The following CSNK1G3 variants were observed in gnomAD, a reference collection of about 807,000 sequenced individuals.
The protein encoded by CSNK1G3 is casein kinase I isoform gamma-3.
CSNK1G3 carries 23 observed loss-of-function variants against 64.3 expected under a neutral mutation model. The observed-to-expected ratio is 0.36, with a 90% CI of 0.26 to 0.51. CSNK1G3 has a LOEUF of 0.51. CSNK1G3 is among the 20% of genes least tolerant of loss of function. CSNK1G3 has a pLI of 0.96. For missense variants in CSNK1G3, 357 were observed against 510.5 expected (o/e 0.70, Z 2.90); for synonymous variants, 158 against 162.2 (o/e 0.97, Z 0.20).
intron 1 of CSNK1G3, among the ~76,000 whole-genome samples, chr5:123,517,768 A>G (rs1358165156): frequency 6.6e-6 from 1 of 152,146 alleles, no homozygotes; most frequent in South Asian, 2.1e-4. Flanking sequence ...TTTAGTTGTA[A>G]TAAAATGTAT....
At chr5:123,606,699 T>G (rs1455905312) in intron 12 of CSNK1G3, among the ~76,000 whole-genome samples, 1 of 152,144 alleles carries the variant, frequency 6.6e-6, no homozygotes, top group Non-Finnish European at 1.5e-5. Flanking sequence ...GTGTCCTATA[T>G]TTTTACTTCC....
chr5:123,605,281 T>G, intron 11 of CSNK1G3, 58 bp from the exon 13 acceptor site: 1 of 1,475,048 alleles, frequency 6.8e-7, no homozygotes, highest in Non-Finnish European at 9.3e-7. Context: ...GTGAGCTGTT[T>G]CTGATTCTCT....
intron 3 of CSNK1G3, among the ~76,000 whole-genome samples, chr5:123,557,083 T>C (rs1016306124): frequency 4.6e-5 from 7 of 152,118 alleles, no homozygotes; most frequent in African/African-American, 1.7e-4. Context: ...ATCAAAATTT[T>C]CAAATTACCA....
chr5:123,599,155 A>G lies in CSNK1G3; in HGVS notation c.1087-5569A>G, dbSNP rs80348083. Among the ~76,000 whole-genome samples the G allele has an allele frequency of 6.7e-3, 1,020 of 152,260 alleles. 8 individuals are homozygous for G. The highest frequency in any genetic ancestry group is 0.023 in the African/African-American group (961 of 41,554). The stretch of plus-strand genomic sequence containing the variant: ...GTGCAAACTGAAAATCTGATCCTAT[A>G]TAGAGGCAACTGTAAGCAAAGGGAA... On this transcript the variant is annotated intron_variant, in intron 10 of 12. Coordinates refer to ENST00000345990, the Ensembl canonical transcript of CSNK1G3.
intron 6 of CSNK1G3, among the ~76,000 whole-genome samples, chr5:123,586,649 G>A (rs776710224): frequency 1.2e-4 from 19 of 152,094 alleles, no homozygotes; most frequent in Non-Finnish European, 2.6e-4. Context: ...TAGCCTTAAT[G>A]ACTGTCAATT....
intron 1 of CSNK1G3, among the ~76,000 whole-genome samples, chr5:123,513,002 G>T (rs1301484927): frequency 6.6e-6 from 1 of 152,084 alleles, no homozygotes; most frequent in East Asian, 1.9e-4. Context: ...TGGAGTAGGG[G>T]CTTCAGGCAG....
intron 1 of CSNK1G3, among the ~76,000 whole-genome samples, chr5:123,540,003 T>C (rs562646950): frequency 6.6e-6 from 1 of 152,278 alleles, no homozygotes; most frequent in South Asian, 2.1e-4. Flanking sequence ...TATTGGTAAT[T>C]TGTATATTCT....
chr5:123,549,916 C>T (rs2150325059), intron 2 of CSNK1G3, among the ~76,000 whole-genome samples: 1 of 152,320 alleles, frequency 6.6e-6, no homozygotes, highest in East Asian at 1.9e-4. Context: ...ACAGGAGCTT[C>T]CATAACATCT....
chr5:123,534,256 TAGAC>T (rs1336971583), intron 1 of CSNK1G3, among the ~76,000 whole-genome samples: 28 of 152,106 alleles, frequency 1.8e-4, no homozygotes, highest in Non-Finnish European at 3.5e-4. Context: ...AAAATGAGCT[TAGAC>T]AGATTAAGTG....
chr5:123,595,301 G>A (rs1461937796), intron 10 of CSNK1G3, among the ~76,000 whole-genome samples, 167 bp downstream of exon 11: 2 of 151,916 alleles, frequency 1.3e-5, no homozygotes, highest in African/African-American at 2.4e-5. Flanking sequence ...CAAAATTAAC[G>A]TGGTCTAGAA....
At chr5:123,600,322 T>C (rs1467978284) in intron 10 of CSNK1G3, among the ~76,000 whole-genome samples, 1 of 152,116 alleles carries the variant, frequency 6.6e-6, no homozygotes, top group African/African-American at 2.4e-5. Context: ...TTACAAGGTA[T>C]CAAATAGAAA....
At chr5:123,602,186 C>T (rs565805680) in intron 10 of CSNK1G3, among the ~76,000 whole-genome samples, 2 of 152,200 alleles carry the variant, frequency 1.3e-5, no homozygotes, top group Admixed American at 6.5e-5. Context: ...ATTATCAAGG[C>T]AGTTTTGTAT....
In CSNK1G3 at chr5:123,568,227, G is replaced by T. The variant is rs183531533; in HGVS notation, c.290-5166G>T. On this transcript the variant is annotated intron_variant, in intron 4 of 12. Transcript: ENST00000345990. The stretch of plus-strand genomic sequence containing the variant: ...GATTTGCTGAGGATACTTCTCAGAT[G>T]TAATGGTTTCGCTGGGATTCAGAAA... Among the ~76,000 whole-genome samples, 10 of 152,294 alleles carry T rather than the reference G, an allele frequency of 6.6e-5. No homozygotes were observed. The East Asian group carries it at 1.9e-3, about 29-fold the overall frequency.
At chr5:123,608,011 C>T (rs938633093) in intron 12 of CSNK1G3, among the ~76,000 whole-genome samples, 3 of 151,930 alleles carry the variant, frequency 2.0e-5, no homozygotes, top group African/African-American at 7.3e-5. Flanking sequence ...CCAAGGCTGG[C>T]CCTGAACTAT....
chr5:123,610,606 C>T (rs908683081), intron 12 of CSNK1G3, among the ~76,000 whole-genome samples: 7 of 152,260 alleles, frequency 4.6e-5, no homozygotes, highest in Middle Eastern at 6.8e-3. Context: ...GACTTTGATC[C>T]ATTTTGATTG....
chr5:123,582,812 T>G (rs1790554808), intron 6 of CSNK1G3, among the ~76,000 whole-genome samples: 1 of 152,192 alleles, frequency 6.6e-6, no homozygotes, highest in South Asian at 2.1e-4. Context: ...GGGGTGTTCT[T>G]TAGTTACTGT....
At chr5:123,596,738 C>G (rs1482626303) in intron 10 of CSNK1G3, among the ~76,000 whole-genome samples, 2 of 152,004 alleles carry the variant, frequency 1.3e-5, no homozygotes, top group Non-Finnish European at 2.9e-5. Context: ...TCCTAATATT[C>G]AATAAGTGAT....
chr5:123,591,391 A>G (rs1792331595), exon 10 of CSNK1G3: 2 of 1,608,624 alleles, frequency 1.2e-6, no homozygotes, highest in African/African-American at 2.7e-5. Flanking sequence ...ACACAGAGAT[A>G]AGATGCAACA....
intron 4 of CSNK1G3, among the ~76,000 whole-genome samples, chr5:123,568,696 G>A (rs1241404315): frequency 6.6e-6 from 1 of 152,074 alleles, no homozygotes; most frequent in South Asian, 2.1e-4. Context: ...CATCTTCAAG[G>A]CTCTTGTCTC....
Sources: allele counts gnomAD v4.1 joint callset (sites outside exome capture counted in the v4.1 genomes callset), GRCh38; gene constraint gnomAD v4.1.1; transcripts MANE v1.5; gene names NCBI Gene and HGNC (gene_info 2026-07-23, HGNC 2026-07-21).